Variants in CEP131 observed in about 807,000 individuals in gnomAD.
CEP131 encodes the protein centrosomal protein 131, also known as centrosomal protein of 131 kDa.
Under a neutral mutation model 136.8 loss-of-function variants are expected in CEP131, and 99 were observed. The ratio of observed to expected loss-of-function variants is 0.72; its 90% CI spans 0.62 to 0.86. The LOEUF (loss-of-function observed/expected upper bound fraction) is 0.86, where lower values mean the gene tolerates loss of function less well. CEP131 is among the 40% of genes least tolerant of loss of function. CEP131 has a pLI of 0.00. For missense variants in CEP131, 1,459 were observed against 1,463.0 expected, an observed-to-expected ratio of 1.00 and a Z score of 0.04; for synonymous variants, 646 against 612.7, an observed-to-expected ratio of 1.05 and a Z score of -0.80.
In CEP131 at chr17:81,202,199, T is replaced by G. The variant is rs746884616; in HGVS notation, c.788+41A>C. Reference sequence around the variant, plus strand: ...CCCTGATGCCTGCCCACCTCTGTGTTCTAGGCTCAGGCCCCCCCCCACCGC... The same window carrying G: ...CCCTGATGCCTGCCCACCTCTGTGTGCTAGGCTCAGGCCCCCCCCCACCGC... On this transcript the variant is annotated intron_variant, in intron 7 of 25. Coordinates refer to ENST00000450824, the MANE Select transcript of CEP131 (RefSeq NM_014984.4). 5 of 1,295,246 alleles carry G rather than the reference T, an allele frequency of 3.9e-6. No homozygotes were observed. In the South Asian group the frequency reaches 6.7e-5, roughly 17 times the overall value. The allele number at this position is 1,295,246 out of a possible 1,614,324, so 80.2% of individuals were successfully genotyped here.
At chr17:81,197,551 G>A (rs2061787964) in intron 13 of CEP131, 161 bp downstream of exon 13, 7 of 1,117,258 alleles carry the variant, frequency 6.3e-6, no homozygotes, top group Non-Finnish European at 8.6e-6. Flanking sequence ...CATGGTGAGG[G>A]ACCACCTCCT....
intron 2 of CEP131, among the ~76,000 whole-genome samples, chr17:81,212,517 T>A (rs2062156471): frequency 1.4e-5 from 2 of 147,732 alleles, no homozygotes; most frequent in Admixed American, 1.3e-4. Context: ...GAGGGGCTCT[T>A]CCTAATAGCC....
intron 7 of CEP131, among the ~76,000 whole-genome samples, chr17:81,201,867 G>C (rs774281350): frequency 2.0e-5 from 3 of 152,040 alleles, no homozygotes; most frequent in Non-Finnish European, 2.9e-5. Context: ...TTTGGGAGGC[G>C]GAGGCGGGCG....
rs369057411 is a variant in CEP131 at position 81,203,470 on chromosome 17, C to T, written c.629+24G>A. ...TAACTGAGGTCGGACCCCGCAGCCCCGCGGCCTCCCCAGAAGACCTTACTT... is the reference window on the plus strand; with the variant it reads ...TAACTGAGGTCGGACCCCGCAGCCCTGCGGCCTCCCCAGAAGACCTTACTT... On this transcript the variant is annotated intron_variant, in intron 6 of 25. Transcript: ENST00000450824. The surrounding 1 kb of genome is among the most constrained non-coding windows in gnomAD (Gnocchi z 4.6). 1.9e-5 allele frequency: 30 copies of T among 1,558,088 alleles called. No individual in the cohort carries two copies. The highest frequency in any genetic ancestry group is 1.4e-4 in the African/African-American group (10 of 73,926).
chr17:81,193,926 C>T lies in CEP131; in HGVS notation c.2321G>A (p.Arg774Gln), dbSNP rs1038897307. 7 of 1,533,600 alleles carry T rather than the reference C, an allele frequency of 4.6e-6. No homozygotes were observed. In the Admixed American group the frequency reaches 8.1e-5, roughly 18 times the overall value. The allele number at this position is 1,533,600 out of a possible 1,614,324, so 95.0% of individuals were successfully genotyped here. A position where few individuals can be genotyped will look rare whatever the true frequency, so the allele number is the denominator to read the frequency against. The change falls in exon 18 of 26, where the codon CGG (arginine) becomes CAG (glutamine). Residue 774 changes from arginine to glutamine, a missense_variant and splice_region_variant. Arg to Gln is a conservative substitution (Grantham distance 43). This residue lies in a region of CEP131 where 1,026 missense variants were observed against 964.2 expected (regional missense o/e 1.06). Coordinates refer to ENST00000450824, the MANE Select transcript of CEP131 (RefSeq NM_014984.4). ...GQQERERARQ[R>Q]FQQHLEQEQW... ...CCACCGGCCTGGGGCCACCACCCAC[C>T]GCTGCCGAGCACGTTCGCGCTCCTG...
intron 7 of CEP131, among the ~76,000 whole-genome samples, chr17:81,201,128 C>A (rs2061881308): frequency 6.6e-6 from 1 of 152,152 alleles, no homozygotes; most frequent in South Asian, 2.1e-4. Flanking sequence ...TGTGTGGATT[C>A]TCTCAGCAAA....
intron 2 of CEP131, among the ~76,000 whole-genome samples, chr17:81,214,719 G>A (rs909680197): frequency 6.6e-6 from 1 of 152,104 alleles, no homozygotes; most frequent in Non-Finnish European, 1.5e-5. Context: ...CCTGTGATGC[G>A]AGTGTGACTT....
chr17:81,218,008 T>G (rs1000746979), intron 2 of CEP131, among the ~76,000 whole-genome samples: 1 of 151,180 alleles, frequency 6.6e-6, no homozygotes, highest in Non-Finnish European at 1.5e-5. Context: ...TCCTTCTCCC[T>G]CTCCCTCTCC....
chr17:81,201,897 C>T (rs1235644567), intron 7 of CEP131, among the ~76,000 whole-genome samples: 7 of 152,004 alleles, frequency 4.6e-5, no homozygotes, highest in Admixed American at 3.9e-4. Context: ...GTCAGGAGAT[C>T]GAGAACATCC....
rs146007499 is a variant in CEP131, at chr17:81,197,616, C to T, written c.1647+96G>A. 1,930 of 1,462,446 alleles carry T rather than the reference C, an allele frequency of 1.3e-3. 29 individuals carry two copies. In the African/African-American group the frequency reaches 0.024, roughly 18 times the overall value. 90.6% of individuals were successfully genotyped at this position (1,462,446 alleles called of 1,614,324 possible). A position where few individuals can be genotyped will look rare whatever the true frequency, so the allele number is the denominator to read the frequency against. On this transcript the variant is annotated intron_variant, in intron 13 of 25. Transcript: ENST00000450824. ...ACCTCCTCCCCCTGGGGGCCAGGTGCGGGCTGGTGAGGGGCCTCCTCCCCC... is the reference window on the plus strand; with the variant it reads ...ACCTCCTCCCCCTGGGGGCCAGGTGTGGGCTGGTGAGGGGCCTCCTCCCCC...
rs772443860 is a variant in CEP131 at position 81,199,709 on chromosome 17, C to T, written c.1023+10G>A. The T allele has an allele frequency of 6.8e-6, 11 of 1,607,186 alleles. No homozygotes were observed. Among genetic ancestry groups the T allele is most frequent in the South Asian group, 5.5e-5 (5 of 91,054 alleles). ...ACGGTGCTGCTCAGTGGTCCCTGCGCGGTCAGCACCTGAATGGCTGCTCGC... is the reference window on the plus strand; with the variant it reads ...ACGGTGCTGCTCAGTGGTCCCTGCGTGGTCAGCACCTGAATGGCTGCTCGC... On this transcript the variant is annotated intron_variant, in intron 9 of 25. Transcript: ENST00000450824.
intron 13 of CEP131, chr17:81,197,502 T>C (rs1318001121): frequency 4.0e-6 from 3 of 742,586 alleles, no homozygotes; most frequent in African/African-American, 1.9e-5. Context: ...ACCTCCACCC[T>C]GAGAGACCCG....
intron 7 of CEP131, 41 bp downstream of exon 7, chr17:81,202,199 T>C: frequency 1.5e-6 from 2 of 1,295,246 alleles, no homozygotes; most frequent in Non-Finnish European, 1.0e-6. Context: ...ACCTCTGTGT[T>C]CTAGGCTCAG....
chr17:81,206,755 AG>A lies in CEP131; in HGVS notation c.503del (p.Thr168MetfsTer89). The A allele has an allele frequency of 6.2e-7, 1 of 1,613,672 alleles. No individual in the cohort carries two copies. The highest frequency in any genetic ancestry group is 8.5e-7 in the Non-Finnish European group (1 of 1,179,744). On this transcript the variant is annotated frameshift_variant, in exon 5 of 26. Transcript: ENST00000450824. LOFTEE classifies it high-confidence loss of function. Reference protein sequence around the residue: ...ECTVALAPNFTANNRSNKGAV... With the variant: ...ECTVALAPNFXANNRSNKGAV... ...TGCACAGGTCGTACCTGTTGTTAGC[AG>A]TGAAGTTGGGGGCCAGGGCCACGGT...
chr17:81,197,244 T>TG, intron 13 of CEP131, 189 bp from the exon 14 acceptor site: 1 of 679,552 alleles, frequency 1.5e-6, no homozygotes, highest in Middle Eastern at 4.2e-4. Flanking sequence ...GTACAGGAAA[T>TG]GGGGGCCGTG....
rs1238595430 is a variant in CEP131, at chr17:81,197,074, G to A, written c.1648-19C>T. 20 of 1,576,862 alleles carry A rather than the reference G, an allele frequency of 1.3e-5. No homozygotes were observed. Among genetic ancestry groups the A allele is most frequent in the Admixed American group, 1.1e-4 (6 of 54,772 alleles). On this transcript the variant is annotated intron_variant, in intron 13 of 25. Transcript: ENST00000450824. ...CCCACCCCTGCAGACACAGCCGAGCGTCAGGCGGAAGCGGCAGAGGACGGG... is the reference window on the plus strand; with the variant it reads ...CCCACCCCTGCAGACACAGCCGAGCATCAGGCGGAAGCGGCAGAGGACGGG...
intron 4 of CEP131, 24 bp from the exon 5 acceptor site, chr17:81,206,895 C>T: frequency 2.5e-6 from 4 of 1,606,242 alleles, no homozygotes; most frequent in Non-Finnish European, 3.4e-6. Flanking sequence ...CAGCCCATGA[C>T]ACCGCCCGCA....
intron 16 of CEP131, 53 bp downstream of exon 16, chr17:81,195,782 C>A (rs1567853285): frequency 2.7e-6 from 4 of 1,506,478 alleles, no homozygotes; most frequent in Non-Finnish European, 2.7e-6. Flanking sequence ...GCCAGCTGAG[C>A]CTGGCCTGTG....
chr17:81,220,268 T>C (rs952815352), intron 1 of CEP131, among the ~76,000 whole-genome samples, 195 bp from the exon 2 acceptor site: 2 of 152,076 alleles, frequency 1.3e-5, no homozygotes, highest in African/African-American at 4.8e-5. Flanking sequence ...CTGAGCCCAA[T>C]GTCAGTGTAT....
Sources: gnomAD v4.1 joint callset for allele counts (sites outside exome capture counted in the v4.1 genomes callset) on GRCh38, gnomAD v4.1.1 for gene constraint, gnomAD v4.1.1 regional missense constraint, Gnocchi (gnomAD v3.1) non-coding constraint, MANE v1.5 for transcripts, NCBI Gene and HGNC (gene_info 2026-07-23, HGNC 2026-07-21) for gene names.